Variants in ZBTB16 observed in about 807,000 individuals in gnomAD.
ZBTB16 encodes zinc finger and BTB domain-containing protein 16.
In ZBTB16, 8 loss-of-function variants were observed where a neutral mutation model predicts 56.8. The observed-to-expected ratio is 0.14, with a 90% CI of 0.08 to 0.25. ZBTB16 has a LOEUF of 0.25. Ranked by LOEUF, ZBTB16 falls within the 10% of genes least tolerant of loss-of-function variation. ZBTB16 has a pLI of 1.00. For missense variants in ZBTB16, 625 were observed against 903.0 expected (o/e 0.69, Z 3.95); for synonymous variants, 363 against 368.5 (o/e 0.98, Z 0.17).
intron 4 of ZBTB16, among the ~76,000 whole-genome samples, chr11:114,195,474 T>C (rs1208508234): frequency 6.6e-6 from 1 of 152,158 alleles, no homozygotes; most frequent in East Asian, 1.9e-4. Flanking sequence ...GAGACCTGCC[T>C]GAAGGCAGGG....
At chr11:114,088,424 GAGTC>G (rs911940729) in intron 2 of ZBTB16, among the ~76,000 whole-genome samples, 5 of 152,120 alleles carry the variant, frequency 3.3e-5, no homozygotes, top group African/African-American at 1.2e-4. Context: ...TTACAGGTGT[GAGTC>G]ACTGTGCCCG....
At chr11:114,075,194 G>T (rs1483208877) in intron 2 of ZBTB16, among the ~76,000 whole-genome samples, 1 of 152,188 alleles carries the variant, frequency 6.6e-6, no homozygotes, top group African/African-American at 2.4e-5. Flanking sequence ...GGAGAGCATT[G>T]TGTCTGGAAT....
At chr11:114,096,614 C>T (rs1258251433) in intron 2 of ZBTB16, among the ~76,000 whole-genome samples, 1 of 152,060 alleles carries the variant, frequency 6.6e-6, no homozygotes, top group Non-Finnish European at 1.5e-5. Flanking sequence ...TGTTCATAGA[C>T]TGGTCAGCTG....
intron 2 of ZBTB16, among the ~76,000 whole-genome samples, chr11:114,098,573 C>T (rs2137747117): frequency 6.7e-6 from 1 of 150,364 alleles, no homozygotes; most frequent in African/African-American, 2.4e-5. Context: ...TCCTGACATT[C>T]TCACGAGTCT....
At chr11:114,210,386 C>T (rs2135128485) in intron 4 of ZBTB16, among the ~76,000 whole-genome samples, 1 of 152,234 alleles carries the variant, frequency 6.6e-6, no homozygotes, top group Non-Finnish European at 1.5e-5. Context: ...ACCCTGCAGC[C>T]AGGAGCTGGG....
intron 2 of ZBTB16, among the ~76,000 whole-genome samples, chr11:114,085,500 TTG>T (rs35497691): frequency 1.3e-4 from 20 of 151,178 alleles, no homozygotes; most frequent in Middle Eastern, 3.4e-3. Flanking sequence ...GTGTATGACT[TTG>T]TGTGTGTGTG....
rs539189875 is a variant in ZBTB16, at chr11:114,136,020, C to T, written c.1269-20317C>T. ...CCTTTTCTTCGGTGAGTTCCCTTTGCGGTGTGGAATCTCGTGGCAAGGGCT... is the reference window on the plus strand; with the variant it reads ...CCTTTTCTTCGGTGAGTTCCCTTTGTGGTGTGGAATCTCGTGGCAAGGGCT... On this transcript the variant is annotated intron_variant, in intron 2 of 6. Transcript: ENST00000335953. Among the ~76,000 whole-genome samples the T allele has an allele frequency of 4.4e-4, 67 of 152,158 alleles. 1 individual carries two copies. The South Asian group carries it at 0.013, about 29-fold the overall frequency.
chr11:114,191,334 T>A (rs901633452), intron 4 of ZBTB16, among the ~76,000 whole-genome samples: 1 of 152,242 alleles, frequency 6.6e-6, no homozygotes, highest in Non-Finnish European at 1.5e-5. Context: ...ACTGTGCCTT[T>A]TCTACATTTA....
rs1412511383 is a variant in ZBTB16, at chr11:114,250,550, G to A, written c.2017G>A (p.Val673Met). The A allele has an allele frequency of 6.2e-7, 1 of 1,614,130 alleles. No individual in the cohort carries two copies. Among genetic ancestry groups the A allele is most frequent in the East Asian group, 2.2e-5 (1 of 44,866 alleles). The change falls in exon 7 of 7, where the codon GTG becomes ATG. Residue 673 changes from valine (V) to methionine (M), a missense_variant. By Grantham distance (21) the Val-to-Met change is conservative. Around this residue, in one of 6 missense-constraint regions of ZBTB16, gnomAD observed 40 missense variants for 93.2 expected, o/e 0.43. Coordinates refer to ENST00000335953, the MANE Select transcript of ZBTB16 (RefSeq NM_006006.6). This position sits in a 1 kb window ranked among gnomAD's most constrained non-coding sequence, Gnocchi z 6.0. ...GAAGACGTACCTCTACCTGTGCTAT[G>A]TGTGAAGGGAGGCCCGCGGCGGTGG... ...IEKTYLYLCY[V>M]
At chr11:114,170,482 C>T (rs1226238328) in intron 3 of ZBTB16, among the ~76,000 whole-genome samples, 1 of 152,220 alleles carries the variant, frequency 6.6e-6, no homozygotes, top group Non-Finnish European at 1.5e-5. Flanking sequence ...TAGTCAGGGG[C>T]TCCTTTTGTT....
chr11:114,163,658 C>T (rs751986424), intron 3 of ZBTB16, among the ~76,000 whole-genome samples: 1 of 152,072 alleles, frequency 6.6e-6, no homozygotes, highest in Non-Finnish European at 1.5e-5. Flanking sequence ...TCTCTCCCAC[C>T]CCTTCACCTA....
At chr11:114,207,590 A>ACAC (rs1491175407) in intron 4 of ZBTB16, among the ~76,000 whole-genome samples, 30 of 143,722 alleles carry the variant, frequency 2.1e-4, no homozygotes, top group African/African-American at 7.2e-4. Context: ...ACACACACAC[A>ACAC]ACACACACAC....
intron 2 of ZBTB16, among the ~76,000 whole-genome samples, chr11:114,083,517 A>G (rs1939852674): frequency 6.6e-6 from 1 of 151,982 alleles, no homozygotes; most frequent in South Asian, 2.1e-4. Flanking sequence ...TTCCCCTCCA[A>G]GCTTCCTCAG....
At chr11:114,174,805 G>A (rs1943064649) in intron 3 of ZBTB16, among the ~76,000 whole-genome samples, 1 of 152,152 alleles carries the variant, frequency 6.6e-6, no homozygotes, top group Non-Finnish European at 1.5e-5. Flanking sequence ...GTAGATGAGA[G>A]CTTCTCTTTT....
intron 2 of ZBTB16, among the ~76,000 whole-genome samples, chr11:114,073,898 C>T (rs1329623517): frequency 6.6e-6 from 1 of 152,170 alleles, no homozygotes; most frequent in Admixed American, 6.5e-5. Context: ...TTGCTGAGAA[C>T]AAGTCAAATG....
Position 114,083,724 on chromosome 11 carries a change from G to T in ZBTB16, c.1268+19156G>T, listed in dbSNP as rs74877559. 1.6e-3 allele frequency among the ~76,000 whole-genome samples: 246 copies of T among 152,152 alleles called. 3 individuals carry two copies. The East Asian group carries it at 0.041, about 25-fold the overall frequency. On this transcript the variant is annotated intron_variant, in intron 2 of 6. Coordinates refer to ENST00000335953, the MANE Select transcript of ZBTB16 (RefSeq NM_006006.6). ...CTTCCCCTTGGATCCCTCCACCCCC[G>T]CAGCCAGGAGAGGGAAGTAACTGTT...
chr11:114,209,733 G>A, intron 4 of ZBTB16: 1 of 985,430 alleles, frequency 1.0e-6, no homozygotes, highest in Non-Finnish European at 1.2e-6. Flanking sequence ...CCCCAGGCAT[G>A]TTCACCCCTC....
chr11:114,140,756 C>A (rs569481212), intron 2 of ZBTB16, among the ~76,000 whole-genome samples: 1 of 152,314 alleles, frequency 6.6e-6, no homozygotes, highest in East Asian at 1.9e-4. Context: ...TCCAGTCTCT[C>A]TTTTCTTGTA....
chr11:114,174,107 GA>G (rs1002859896), intron 3 of ZBTB16, among the ~76,000 whole-genome samples: 10 of 152,168 alleles, frequency 6.6e-5, no homozygotes, highest in African/African-American at 2.4e-4. Flanking sequence ...TGTAGATGGA[GA>G]AACAGGCCAA....
Sources: allele counts gnomAD v4.1 joint callset (sites outside exome capture counted in the v4.1 genomes callset), GRCh38; gene constraint gnomAD v4.1.1; regional missense constraint gnomAD v4.1.1; non-coding constraint Gnocchi (gnomAD v3.1); transcripts MANE v1.5; gene names NCBI Gene and HGNC (gene_info 2026-07-23, HGNC 2026-07-21).